Variants in MYOM2 observed in about 807,000 individuals in gnomAD.
MYOM2 encodes the protein myomesin-2.
MYOM2 carries 254 observed loss-of-function variants against 187.6 expected under a neutral mutation model. That is an observed-to-expected ratio of 1.35 (90% CI 1.22 to 1.50). The LOEUF (loss-of-function observed/expected upper bound fraction) is 1.50, where lower values mean the gene tolerates loss of function less well. MYOM2 is among the 40% of genes most tolerant of loss of function. MYOM2 has a pLI of 0.00. For missense variants in MYOM2, 2,796 were observed against 1,924.0 expected, an observed-to-expected ratio of 1.45 and a Z score of -8.48; for synonymous variants, 981 against 753.8, an observed-to-expected ratio of 1.30 and a Z score of -4.94.
intron 5 of MYOM2, among the ~76,000 whole-genome samples, chr8:2,058,489 A>G (rs893771862): frequency 6.6e-6 from 1 of 152,232 alleles, no homozygotes. Context: ...GCAGATCTGC[A>G]GTTAATGAAG....
At position 2,116,121 on chromosome 8, in the gene MYOM2, A is replaced by G; in HGVS notation, c.3325+17A>G. The G allele has an allele frequency of 6.5e-7, 1 of 1,547,456 alleles. No homozygotes were observed. The highest frequency in any genetic ancestry group is 8.6e-7 in the Non-Finnish European group (1 of 1,158,194). On this transcript the variant is annotated intron_variant, in intron 26 of 36. Transcript: ENST00000262113. ...TTGGAGATGGTATGCTATATCGAATATTTCCACGTCCATACAAGATAATTC... is the reference window on the plus strand; with the variant it reads ...TTGGAGATGGTATGCTATATCGAATGTTTCCACGTCCATACAAGATAATTC...
At chr8:2,141,622 G>C (rs1336186175) in intron 34 of MYOM2, among the ~76,000 whole-genome samples, 1 of 152,180 alleles carries the variant, frequency 6.6e-6, no homozygotes, top group East Asian at 1.9e-4. Flanking sequence ...TGTGAGGTTG[G>C]AATACCTCTG....
intron 31 of MYOM2, 100 bp from the exon 32 acceptor site, chr8:2,129,027 A>AT: frequency 1.3e-6 from 1 of 742,800 alleles, no homozygotes; most frequent in Non-Finnish European, 2.3e-6. Context: ...TGAGAACAGG[A>AT]TTGCAGGTGG....
At chr8:2,137,131 G>A (rs199955536) in intron 32 of MYOM2, among the ~76,000 whole-genome samples, 19,802 of 150,538 alleles carry the variant, frequency 0.13, 2,213 homozygotes, top group African/African-American at 0.28. Context: ...TATACATCTA[G>A]GATGCAATAG....
intron 35 of MYOM2, among the ~76,000 whole-genome samples, chr8:2,142,728 CCCTT>C (rs1240147638): frequency 1.0e-3 from 1 of 982 alleles, no homozygotes; most frequent in African/African-American, 1.6e-3. Flanking sequence ...CTCCCTCCCT[CCCTT>C]CCTCCCTTCC....
At chr8:2,072,860 C>G (rs1356078021) in intron 9 of MYOM2, among the ~76,000 whole-genome samples, 1 of 152,188 alleles carries the variant, frequency 6.6e-6, no homozygotes. Context: ...GAAATGCTAC[C>G]TTAGTCGTAT....
chr8:2,133,820 A>G (rs1797959687), intron 32 of MYOM2, among the ~76,000 whole-genome samples: 1 of 152,194 alleles, frequency 6.6e-6, no homozygotes, highest in Non-Finnish European at 1.5e-5. Flanking sequence ...ACTTCCAGCC[A>G]TTTATTTTAT....
intron 3 of MYOM2, among the ~76,000 whole-genome samples, chr8:2,055,136 A>G (rs1271072333): frequency 6.9e-6 from 1 of 143,918 alleles, no homozygotes; most frequent in African/African-American, 2.5e-5. Context: ...TGGGGTAACC[A>G]AGTACCTGGA....
At chr8:2,099,396 G>A (rs1449578137) in intron 19 of MYOM2, among the ~76,000 whole-genome samples, 3 of 151,998 alleles carry the variant, frequency 2.0e-5, no homozygotes, top group Non-Finnish European at 4.4e-5. Flanking sequence ...GCTGGGAGGC[G>A]CGACAGGGTT....
chr8:2,106,700 G>A (rs1363425911), intron 23 of MYOM2, 103 bp downstream of exon 23: 6 of 838,910 alleles, frequency 7.2e-6, no homozygotes, highest in Middle Eastern at 3.2e-4. Flanking sequence ...AAAGACGTAT[G>A]TTTGCAGGAG....
intron 28 of MYOM2, 136 bp from the exon 29 acceptor site, chr8:2,123,116 C>G (rs897750034): frequency 7.1e-5 from 37 of 523,622 alleles, no homozygotes; most frequent in Non-Finnish European, 1.2e-4. Flanking sequence ...TTCCATAAGC[C>G]TTCGTCTGAG....
chr8:2,105,130 A>C (rs1264495212), intron 21 of MYOM2, among the ~76,000 whole-genome samples: 2 of 151,968 alleles, frequency 1.3e-5, no homozygotes, highest in East Asian at 1.9e-4. Context: ...TGGCTTTTAC[A>C]TTTCAATGTG....
intron 32 of MYOM2, among the ~76,000 whole-genome samples, chr8:2,134,723 C>T (rs1798007113): frequency 6.6e-6 from 1 of 152,190 alleles, no homozygotes; most frequent in African/African-American, 2.4e-5. Flanking sequence ...TCAAATTGTT[C>T]CAGCTCTGGC....
chr8:2,115,896 T>G, intron 25 of MYOM2, 64 bp from the exon 26 acceptor site: 1 of 1,548,186 alleles, frequency 6.5e-7, no homozygotes, highest in Non-Finnish European at 8.8e-7. Flanking sequence ...TTGTTAAATG[T>G]TGCAAGGGAA....
intron 1 of MYOM2, among the ~76,000 whole-genome samples, chr8:2,049,004 G>T (rs1458760696): frequency 6.6e-6 from 1 of 151,906 alleles, no homozygotes; most frequent in Non-Finnish European, 1.5e-5. Context: ...TCTTAGCCAG[G>T]GTAGTCTCAA....
At position 2,057,417 on chromosome 8, in the gene MYOM2, G is replaced by A. The variant is rs1347570286; in HGVS notation, c.333G>A (p.Leu111=). The A allele has an allele frequency of 6.2e-7, 1 of 1,614,012 alleles. No individual in the cohort carries two copies. The highest frequency in any genetic ancestry group is 8.5e-7 in the Non-Finnish European group (1 of 1,179,980). The change falls in exon 4 of 37, where the codon TTG becomes TTA. Residue 111 remains leucine, a synonymous_variant. Coordinates refer to ENST00000262113, the MANE Select transcript of MYOM2 (RefSeq NM_003970.4). ...RQRFLSELAH[L]EEDVHLARSQ... ...GCTTCCTCAGCGAGCTGGCCCACTT[G>A]GAGGAGGATGTCCACCTGGCACGCT...
chr8:2,076,700 T>C, intron 11 of MYOM2: 1 of 160,938 alleles, frequency 6.2e-6, no homozygotes, highest in Non-Finnish European at 1.3e-5. Flanking sequence ...GAATGCCAGC[T>C]CATTTCTAAC....
At chr8:2,117,528 T>C (rs1797289318) in intron 27 of MYOM2, among the ~76,000 whole-genome samples, 1 of 152,242 alleles carries the variant, frequency 6.6e-6, no homozygotes, top group South Asian at 2.1e-4. Context: ...CAGTTAGACA[T>C]ATACTTTGGG....
At chr8:2,056,043 C>T (rs1275317768) in intron 3 of MYOM2, among the ~76,000 whole-genome samples, 1 of 152,222 alleles carries the variant, frequency 6.6e-6, no homozygotes, top group Non-Finnish European at 1.5e-5. Context: ...ACTTAGACTA[C>T]TGAGTATTTA....
Sources: allele counts gnomAD v4.1 joint callset (sites outside exome capture counted in the v4.1 genomes callset), GRCh38; gene constraint gnomAD v4.1.1; transcripts MANE v1.5; gene names NCBI Gene and HGNC (gene_info 2026-07-23, HGNC 2026-07-21).